The following MYL6B variants were observed in gnomAD, a reference collection of about 807,000 sequenced individuals.
The protein encoded by MYL6B is myosin light chain 6B.
A neutral mutation model predicts 24.5 loss-of-function variants in MYL6B; 19 were observed. The ratio of observed to expected loss-of-function variants is 0.78; its 90% CI spans 0.54 to 1.14. MYL6B has a LOEUF of 1.14. MYL6B is among the 50% of genes most tolerant of loss of function. MYL6B has a pLI of 0.00. For synonymous variants in MYL6B, 90 were observed against 100.7 expected (o/e 0.89, Z 0.64); for missense variants, 230 against 263.8 (o/e 0.87, Z 0.89).
rs1290200969 is a variant in MYL6B, at chr12:56,154,077, T to C, written c.159T>C (p.Asp53=). 1.9e-6 allele frequency: 3 copies of C among 1,613,398 alleles called. No homozygotes were observed. The East Asian group carries it at 6.7e-5, about 36-fold the overall frequency. ...AGAAAACCCAGGAGCCTCCAGTCGA[T>C]CTCTCCAAAGTGGTGGTGAGTCTCT... is the stretch of plus-strand genomic sequence containing the variant. The change falls in exon 2 of 7, where the codon GAT becomes GAC. Residue 53 remains aspartate (D), a synonymous_variant. Transcript: ENST00000553066.
At chr12:56,156,076 C>A in intron 5 of MYL6B, 3 of 1,046,218 alleles carry the variant, frequency 2.9e-6, no homozygotes, top group Non-Finnish European at 3.5e-6. Context: ...GAGACCAAGG[C>A]GGGCGGATCA....
rs3070174 is a variant in MYL6B at position 56,152,689 on chromosome 12, A to AGT, written c.-47+79_-47+80dup. The AGT allele has an allele frequency of 8.6e-3, 1,276 of 148,428 alleles. 13 individuals carry two copies. Among genetic ancestry groups the AGT allele is most frequent in the African/African-American group, 0.016 (657 of 40,690 alleles). The allele number at this position is 148,428 out of a possible 1,614,324, so 9.2% of individuals were successfully genotyped here. A position where few individuals can be genotyped will look rare whatever the true frequency, so the allele number is the denominator to read the frequency against. On this transcript the variant is annotated intron_variant, in intron 1 of 6. Coordinates refer to ENST00000553066, the Ensembl canonical transcript of MYL6B. ...CTTTAAGATTTAGTGGGGGTGCGTG[A>AGT]GTGTGTGTGTGTGTGTGTGTGTCGT...
chr12:56,153,851 G>T (rs1871202492), intron 1 of MYL6B, 22 bp from the exon 2 acceptor site: 3 of 1,495,508 alleles, frequency 2.0e-6, no homozygotes, highest in Non-Finnish European at 2.7e-6. Flanking sequence ...TGACATCCCA[G>T]ACTCCCTGGC....
At position 56,155,601 on chromosome 12, in the gene MYL6B, G is replaced by A; in HGVS notation, c.520+9G>A. On this transcript the variant is annotated intron_variant, in intron 5 of 6. Transcript: ENST00000553066. ...TGTTCTCACCACCCTTGGTGAGGCA[G>A]GCAAGGGGGACCAGAACTCCTTTAG... The A allele has an allele frequency of 6.2e-7, 1 of 1,612,206 alleles. No homozygotes were observed. Among genetic ancestry groups the A allele is most frequent in the Non-Finnish European group, 8.5e-7 (1 of 1,178,966 alleles).
At chr12:56,157,519 A>G (rs773304984) in exon 6 of MYL6B, 5 of 1,613,838 alleles carry the variant, frequency 3.1e-6, no homozygotes, top group Non-Finnish European at 8.5e-7. Flanking sequence ...GGACACGAGG[A>G]CAGCAACGGC....
exon 7 of MYL6B, chr12:56,157,727 G>A (rs1472933230): frequency 3.7e-6 from 6 of 1,611,942 alleles, no homozygotes; most frequent in African/African-American, 1.3e-5. Flanking sequence ...AAGCGTCTGA[G>A]TGCTGCAGGT....
At chr12:56,155,865 C>A in intron 5 of MYL6B, 1 of 1,334,342 alleles carries the variant, frequency 7.5e-7, no homozygotes, top group Non-Finnish European at 9.7e-7. Flanking sequence ...TGTTCTGGTA[C>A]AAGTCTCGTA....
rs1427167593 is a variant in MYL6B, at chr12:56,157,558, A to C, written c.598+13A>C. ...ATCAACTACGAGGGTGAGGGGACAA[A>C]AAAGCGGGAGCGGGGCCGAGGGAGG... is the stretch of plus-strand genomic sequence containing the variant. On this transcript the variant is annotated intron_variant, in intron 6 of 6. Transcript: ENST00000553066. 1.2e-6 allele frequency: 2 copies of C among 1,613,578 alleles called. No individual in the cohort carries two copies. The highest frequency in any genetic ancestry group is 3.3e-5 in the Admixed American group (2 of 59,952).
rs200450096 is a variant in MYL6B, at chr12:56,155,126, G to A, written c.274G>A (p.Val92Met). 164 of 1,614,110 alleles carry A rather than the reference G, an allele frequency of 1.0e-4. 1 individual carries two copies. The East Asian group carries it at 3.2e-3, about 32-fold the overall frequency. Residue 92 changes from valine (V) to methionine (M), a missense_variant, in exon 4 of 7, where the codon GTG becomes ATG. Val to Met is a conservative substitution (Grantham distance 21). Transcript: ENST00000553066. ...GATCCTGTACAGCCAGTGTGGGGAC[G>A]TGATGAGGGCCCTGGGCCAGAACCC...
At chr12:56,155,759 G>A (rs773249614) in intron 5 of MYL6B, 167 bp downstream of exon 5, 2 of 1,529,144 alleles carry the variant, frequency 1.3e-6, no homozygotes, top group South Asian at 1.2e-5. Flanking sequence ...TGAAGGACTC[G>A]CTCTTCCAGA....
At chr12:56,155,663 A>G in intron 5 of MYL6B, 71 bp downstream of exon 5, 1 of 1,607,762 alleles carries the variant, frequency 6.2e-7, no homozygotes, top group Non-Finnish European at 8.5e-7. Context: ...GAAAGACTGG[A>G]CAGATAAGCA....
chr12:56,153,898 G>A, exon 2 of MYL6B: 1 of 1,600,406 alleles, frequency 6.2e-7, no homozygotes, highest in Non-Finnish European at 8.5e-7. Context: ...TCCGCACACT[G>A]TCCTTTGGCC....
chr12:56,157,440 G>A, intron 5 of MYL6B, 28 bp from the exon 6 acceptor site: 1 of 1,604,338 alleles, frequency 6.2e-7, no homozygotes, highest in Non-Finnish European at 8.5e-7. Flanking sequence ...GGGAAAGGAG[G>A]GCCTCAGACG....
intron 2 of MYL6B, among the ~76,000 whole-genome samples, chr12:56,154,335 T>TCTA (rs1871226620): frequency 6.6e-6 from 1 of 152,222 alleles, no homozygotes; most frequent in Non-Finnish European, 1.5e-5. Flanking sequence ...TACCCCCTGC[T>TCTA]GGAGGCAGGG....
In MYL6B at chr12:56,157,562, G is replaced by A. The variant is rs990329511; in HGVS notation, c.598+17G>A. 4 of 1,309,918 alleles carry A rather than the reference G, an allele frequency of 3.1e-6. No individual in the cohort carries two copies. In the African/African-American group the frequency reaches 4.1e-5, roughly 13 times the overall value. The allele number at this position is 1,309,918 out of a possible 1,614,324, so 81.1% of individuals were successfully genotyped here. On this transcript the variant is annotated intron_variant, in intron 6 of 6. Coordinates refer to ENST00000553066, the Ensembl canonical transcript of MYL6B. ...ACTACGAGGGTGAGGGGACAAAAAAGCGGGAGCGGGGCCGAGGGAGGAGGG... is the reference window on the plus strand; with the variant it reads ...ACTACGAGGGTGAGGGGACAAAAAAACGGGAGCGGGGCCGAGGGAGGAGGG...
chr12:56,154,165 G>A (rs1871219811), intron 2 of MYL6B, 73 bp downstream of exon 2: 2 of 1,442,826 alleles, frequency 1.4e-6, no homozygotes, highest in African/African-American at 2.8e-5. Context: ...GGGGATTAGG[G>A]GGTATCTAGA....
chr12:56,153,915 C>T lies in MYL6B; in HGVS notation c.-4C>T, dbSNP rs755467350. ...CGCACACTGTCCTTTGGCCACCGGA[C>T]ATCATGCCTCCCAAGAAGGATGTTC... On this transcript the variant is annotated 5_prime_UTR_variant, in exon 2 of 7. Coordinates refer to ENST00000553066, the Ensembl canonical transcript of MYL6B. 39 of 1,609,310 alleles carry T rather than the reference C, an allele frequency of 2.4e-5. No individual in the cohort carries two copies. The Admixed American group carries it at 6.6e-4, about 27-fold the overall frequency.
exon 7 of MYL6B, chr12:56,157,844 G>A: frequency 7.8e-7 from 1 of 1,277,244 alleles, no homozygotes; most frequent in African/African-American, 1.5e-5. Flanking sequence ...GTTGCTGCAC[G>A]GGCTCCAGCG....
rs1174658436 is a variant in MYL6B, at chr12:56,155,704, T to C, written c.520+112T>C. 3 of 1,569,568 alleles carry C rather than the reference T, an allele frequency of 1.9e-6. No individual in the cohort carries two copies. In the African/African-American group the frequency reaches 4.1e-5, roughly 21 times the overall value. On this transcript the variant is annotated intron_variant, in intron 5 of 6. Coordinates refer to ENST00000553066, the Ensembl canonical transcript of MYL6B. ...AGCAGGAGGCTTACTGTCCTGCAGG[T>C]TGTCGGCAGGAGACTGAGAAGGTCA...
Sources: gnomAD v4.1 joint callset for allele counts (sites outside exome capture counted in the v4.1 genomes callset) on GRCh38, gnomAD v4.1.1 for gene constraint, MANE v1.5 for transcripts, NCBI Gene and HGNC (gene_info 2026-07-23, HGNC 2026-07-21) for gene names.